The following ARHGAP10 variants were observed in gnomAD, a reference collection of about 807,000 sequenced individuals.
The protein encoded by ARHGAP10 is Rho GTPase activating protein 10.
In ARHGAP10, 87 loss-of-function variants were observed where a neutral mutation model predicts 108.6. That is an observed-to-expected ratio of 0.80 (90% CI 0.67 to 0.96). ARHGAP10 has a LOEUF of 0.96. ARHGAP10 is among the 40% of genes least tolerant of loss of function. The pLI, the probability that ARHGAP10 is intolerant of heterozygous loss-of-function variation, is 0.00. For missense variants in ARHGAP10, 939 were observed against 954.5 expected (o/e 0.98, Z 0.21); for synonymous variants, 347 against 341.1 (o/e 1.02, Z -0.19).
intron 17 of ARHGAP10, 49 bp from the exon 18 acceptor site, chr4:147,966,631 A>G (rs1198968271): frequency 1.4e-6 from 2 of 1,480,798 alleles, no homozygotes; most frequent in South Asian, 1.5e-5. Flanking sequence ...ACAGTCCACA[A>G]TTTTTGCTCC....
intron 17 of ARHGAP10, 129 bp downstream of exon 17, chr4:147,965,258 G>A (rs571065316): frequency 2.7e-5 from 16 of 591,458 alleles, no homozygotes; most frequent in African/African-American, 2.7e-4. Context: ...GACTCATTGT[G>A]TGTGTTTTGG....
intron 1 of ARHGAP10, among the ~76,000 whole-genome samples, chr4:147,735,877 A>T (rs1728392832): frequency 6.6e-6 from 1 of 152,184 alleles, no homozygotes; most frequent in Admixed American, 6.5e-5. Flanking sequence ...TGCAGTTTAA[A>T]CTTTTGTAAG....
At chr4:147,790,178 C>T (rs775196249) in intron 1 of ARHGAP10, among the ~76,000 whole-genome samples, 85 of 151,890 alleles carry the variant, frequency 5.6e-4, no homozygotes, top group Non-Finnish European at 1.1e-3. Flanking sequence ...GACTTGCACG[C>T]CACCTTCTTG....
At chr4:147,811,700 A>G (rs1218166098) in intron 1 of ARHGAP10, among the ~76,000 whole-genome samples, 1 of 151,896 alleles carries the variant, frequency 6.6e-6, no homozygotes, top group Admixed American at 6.6e-5. Flanking sequence ...TCCTGCTTTC[A>G]TTGATGTTTT....
intron 19 of ARHGAP10, among the ~76,000 whole-genome samples, chr4:148,038,796 G>T (rs946384278): frequency 5.3e-5 from 8 of 152,198 alleles, no homozygotes; most frequent in African/African-American, 1.7e-4. Flanking sequence ...CCCTCCGCTG[G>T]TGAAAGAGTT....
intron 18 of ARHGAP10, among the ~76,000 whole-genome samples, chr4:148,002,498 C>G (rs372840937): frequency 3.9e-5 from 6 of 152,188 alleles, no homozygotes; most frequent in African/African-American, 1.4e-4. Context: ...GTACCAGCTC[C>G]TCCTTGTACC....
chr4:147,943,580 C>T (rs946159363), intron 14 of ARHGAP10, among the ~76,000 whole-genome samples: 2 of 152,168 alleles, frequency 1.3e-5, no homozygotes, highest in Non-Finnish European at 2.9e-5. Context: ...CCAGTGGTTA[C>T]GTAAGCGTGA....
At chr4:147,975,952 G>A (rs1435801812) in intron 18 of ARHGAP10, among the ~76,000 whole-genome samples, 1 of 152,114 alleles carries the variant, frequency 6.6e-6, no homozygotes, top group Non-Finnish European at 1.5e-5. Context: ...AGAATGCATT[G>A]GTGCTCCTAG....
At chr4:147,906,306 A>T (rs2126909118) in intron 10 of ARHGAP10, among the ~76,000 whole-genome samples, 1 of 152,296 alleles carries the variant, frequency 6.6e-6, no homozygotes, top group Admixed American at 6.5e-5. Context: ...GATATTGTGA[A>T]TGGATAAGAA....
intron 19 of ARHGAP10, among the ~76,000 whole-genome samples, chr4:148,030,871 G>GA (rs58943146): frequency 6.0e-4 from 87 of 144,700 alleles, no homozygotes; most frequent in South Asian, 2.2e-3. Context: ...AGAAAAAAAA[G>GA]AAAAAAAAAA....
chr4:147,768,791 T>G (rs1444475067), intron 1 of ARHGAP10, among the ~76,000 whole-genome samples: 1 of 149,616 alleles, frequency 6.7e-6, no homozygotes, highest in African/African-American at 2.5e-5. Context: ...CAGACTGGAG[T>G]GCAGTGGTGC....
intron 1 of ARHGAP10, among the ~76,000 whole-genome samples, chr4:147,786,494 A>T (rs541959616): frequency 3.4e-4 from 51 of 152,232 alleles, no homozygotes; most frequent in African/African-American, 1.1e-3. Context: ...TTTTTCATTG[A>T]TCTCTTTCCC....
At chr4:147,781,769 G>T (rs1730547084) in intron 1 of ARHGAP10, among the ~76,000 whole-genome samples, 1 of 140,880 alleles carries the variant, frequency 7.1e-6, no homozygotes. Flanking sequence ...TTTATTAATT[G>T]CATACAATTA....
At chr4:147,828,478 TATAAAG>T (rs944527981) in intron 3 of ARHGAP10, among the ~76,000 whole-genome samples, 9 of 152,170 alleles carry the variant, frequency 5.9e-5, no homozygotes, top group Non-Finnish European at 1.5e-5. Flanking sequence ...TGCCACATGC[TATAAAG>T]ATAAAGACAT....
At chr4:147,804,493 T>TG (rs1731703716) in intron 1 of ARHGAP10, among the ~76,000 whole-genome samples, 1 of 152,222 alleles carries the variant, frequency 6.6e-6, no homozygotes, top group South Asian at 2.1e-4. Context: ...GGTAGAATGA[T>TG]TTCTATTCCT....
At chr4:147,874,799 C>T (rs1213086240) in intron 7 of ARHGAP10, among the ~76,000 whole-genome samples, 3 of 152,088 alleles carry the variant, frequency 2.0e-5, no homozygotes, top group Admixed American at 6.5e-5. Context: ...CTGTAGTAAC[C>T]TTGGCTTATA....
chr4:148,054,010 C>T (rs979132995), intron 20 of ARHGAP10, among the ~76,000 whole-genome samples: 2 of 152,140 alleles, frequency 1.3e-5, no homozygotes, highest in Non-Finnish European at 2.9e-5. Flanking sequence ...GTAGCTTTTC[C>T]ACTGCTTAAG....
intron 10 of ARHGAP10, among the ~76,000 whole-genome samples, chr4:147,894,450 A>C (rs1203309457): frequency 6.6e-6 from 1 of 152,212 alleles, no homozygotes; most frequent in Non-Finnish European, 1.5e-5. Flanking sequence ...TTTAGAAACA[A>C]ATCATTTACC....
intron 18 of ARHGAP10, among the ~76,000 whole-genome samples, chr4:148,013,179 G>A (rs1289242650): frequency 6.6e-6 from 1 of 152,008 alleles, no homozygotes; most frequent in Non-Finnish European, 1.5e-5. Context: ...TTCAAAACAT[G>A]GATTTACTTT....
Sources: gnomAD v4.1 joint callset for allele counts (sites outside exome capture counted in the v4.1 genomes callset) on GRCh38, gnomAD v4.1.1 for gene constraint, MANE v1.5 for transcripts, NCBI Gene and HGNC (gene_info 2026-07-23, HGNC 2026-07-21) for gene names.